Variants in TRERF1 observed in about 807,000 individuals in gnomAD.
The protein encoded by TRERF1 is transcriptional regulating factor 1.
TRERF1 carries 27 observed loss-of-function variants against 122.9 expected under a neutral mutation model. The observed-to-expected ratio is 0.22, with a 90% CI of 0.16 to 0.30. The LOEUF is 0.30. TRERF1 is among the 10% of genes least tolerant of loss of function. The pLI is 1.00. For synonymous variants in TRERF1, 636 were observed against 641.7 expected, an observed-to-expected ratio of 0.99 and a Z score of 0.13; for missense variants, 1,248 against 1,560.3, an observed-to-expected ratio of 0.80 and a Z score of 3.37.
intron 3 of TRERF1, among the ~76,000 whole-genome samples, chr6:42,353,140 T>C (rs1215807773): frequency 1.3e-5 from 2 of 152,134 alleles, no homozygotes; most frequent in African/African-American, 2.4e-5. Flanking sequence ...CACTGCACCT[T>C]GGCCTGGGCG....
At position 42,287,802 on chromosome 6, in the gene TRERF1, C is replaced by T. The variant is rs77505348; in HGVS notation, c.-259+12836G>A. Among the ~76,000 whole-genome samples the T allele has an allele frequency of 8.7e-4, 133 of 152,238 alleles. 1 individual carries two copies. In the East Asian group the frequency reaches 0.025, roughly 28 times the overall value. On this transcript the variant is annotated intron_variant, in intron 4 of 17. Coordinates refer to ENST00000372922, the Ensembl canonical transcript of TRERF1. ...CATGCTCCTCTGGTCGGGTCTCACC[C>T]CCTCCAGCCCTGACACACCACCCTC... is the stretch of plus-strand genomic sequence containing the variant.
At chr6:42,298,022 AC>A (rs1785389459) in intron 4 of TRERF1, among the ~76,000 whole-genome samples, 2 of 152,194 alleles carry the variant, frequency 1.3e-5, no homozygotes, top group South Asian at 4.1e-4. Context: ...CAGAAAAATC[AC>A]CAAGCAGAAC....
intron 2 of TRERF1, among the ~76,000 whole-genome samples, chr6:42,444,600 T>G (rs1229308299): frequency 1.3e-5 from 2 of 152,160 alleles, no homozygotes; most frequent in East Asian, 1.9e-4. Flanking sequence ...CCTGTCATGA[T>G]GGAGCAAGTT....
intron 3 of TRERF1, among the ~76,000 whole-genome samples, chr6:42,355,694 A>AGT (rs1770403051): frequency 1.3e-5 from 2 of 152,264 alleles, no homozygotes; most frequent in East Asian, 1.9e-4. Flanking sequence ...GGGGTGTATG[A>AGT]GTGTGTGTGT....
intron 2 of TRERF1, among the ~76,000 whole-genome samples, chr6:42,442,966 T>G (rs1054367934): frequency 6.6e-6 from 1 of 152,220 alleles, no homozygotes; most frequent in Non-Finnish European, 1.5e-5. Flanking sequence ...AGCTATAAAA[T>G]GAGGATATCT....
chr6:42,238,835 TCACACACA>T (rs58223539), intron 15 of TRERF1, among the ~76,000 whole-genome samples: 15 of 143,126 alleles, frequency 1.0e-4, no homozygotes, highest in African/African-American at 1.6e-4. Flanking sequence ...ATCATGCATT[TCACACACA>T]CACACACACA....
At chr6:42,231,162 C>T (rs553049110) in intron 17 of TRERF1, among the ~76,000 whole-genome samples, 7 of 152,210 alleles carry the variant, frequency 4.6e-5, no homozygotes, top group South Asian at 4.2e-4. Context: ...GGATTCATGC[C>T]GATTATAATA....
intron 2 of TRERF1, among the ~76,000 whole-genome samples, chr6:42,414,495 T>C (rs1489023173): frequency 1.3e-5 from 2 of 152,268 alleles, no homozygotes; most frequent in South Asian, 4.1e-4. Context: ...ACTCTGCAAC[T>C]TGCTTTTTTC....
intron 2 of TRERF1, among the ~76,000 whole-genome samples, chr6:42,426,729 G>A (rs1783683455): frequency 6.6e-6 from 1 of 152,148 alleles, no homozygotes; most frequent in African/African-American, 2.4e-5. Flanking sequence ...ATTTACGAGT[G>A]ATCTGTGACT....
chr6:42,313,982 G>A (rs377437002), intron 3 of TRERF1, among the ~76,000 whole-genome samples: 17 of 152,066 alleles, frequency 1.1e-4, no homozygotes, highest in African/African-American at 2.7e-4. Context: ...ACCGGAAGCC[G>A]GGAGAGATGA....
intron 17 of TRERF1, among the ~76,000 whole-genome samples, chr6:42,229,520 G>C (rs1229441450): frequency 1.3e-5 from 2 of 152,138 alleles, no homozygotes; most frequent in African/African-American, 4.8e-5. Flanking sequence ...CAAGTGGACT[G>C]TTGTCCTCTC....
At chr6:42,431,918 G>C (rs1387507936) in intron 2 of TRERF1, among the ~76,000 whole-genome samples, 1 of 152,186 alleles carries the variant, frequency 6.6e-6, no homozygotes, top group Non-Finnish European at 1.5e-5. Flanking sequence ...CCAACTAACA[G>C]AAGACTGAGG....
intron 17 of TRERF1, among the ~76,000 whole-genome samples, chr6:42,230,001 G>A (rs915024884): frequency 3.3e-5 from 5 of 152,130 alleles, no homozygotes; most frequent in Admixed American, 2.0e-4. Flanking sequence ...TAACTATCTG[G>A]ACCTTTTTCA....
At chr6:42,311,435 G>A (rs1788208308) in intron 3 of TRERF1, among the ~76,000 whole-genome samples, 1 of 152,080 alleles carries the variant, frequency 6.6e-6, no homozygotes, top group Admixed American at 6.5e-5. Flanking sequence ...GCCGGCAGGT[G>A]CGGTCAGCAA....
chr6:42,269,841 G>T lies in TRERF1; in HGVS notation c.-251C>A. 1.1e-6 allele frequency: 1 copy of T among 904,858 alleles called. No individual in the cohort carries two copies. The highest frequency in any genetic ancestry group is 1.5e-6 in the Non-Finnish European group (1 of 656,738). 56.1% of individuals were successfully genotyped at this position (904,858 alleles called of 1,614,324 possible). A position where few individuals can be genotyped will look rare whatever the true frequency, so the allele number is the denominator to read the frequency against. ...CACAGCACTGTGGTGAGGAGACGTC[G>T]CTCACACCTGCAAGGCAAGATGCAA... On this transcript the variant is annotated 5_prime_UTR_variant, in exon 5 of 18. Transcript: ENST00000372922. This position sits in a 1 kb window ranked among gnomAD's most constrained non-coding sequence, Gnocchi z 4.9.
At chr6:42,282,613 CT>C (rs1390151049) in intron 4 of TRERF1, among the ~76,000 whole-genome samples, 1 of 152,058 alleles carries the variant, frequency 6.6e-6, no homozygotes. Flanking sequence ...CAATGAAACT[CT>C]CTATGAAATG....
intron 15 of TRERF1, among the ~76,000 whole-genome samples, chr6:42,241,794 T>C (rs1300252864): frequency 2.6e-5 from 4 of 152,166 alleles, no homozygotes; most frequent in Admixed American, 2.6e-4. Context: ...TTTAAGAAAA[T>C]GTGTGGCCAG....
chr6:42,372,350 A>G (rs1413935146), intron 2 of TRERF1, among the ~76,000 whole-genome samples: 2 of 152,122 alleles, frequency 1.3e-5, no homozygotes, highest in Admixed American at 6.6e-5. Context: ...CAGCTCCTAC[A>G]TGAGGCTTCT....
At chr6:42,353,028 G>T (rs535783347) in intron 3 of TRERF1, among the ~76,000 whole-genome samples, 23 of 152,264 alleles carry the variant, frequency 1.5e-4, no homozygotes, top group Admixed American at 1.4e-3. Context: ...CAGGCAGGGT[G>T]CAGTGACTCA....
Sources: gnomAD v4.1 joint callset for allele counts (sites outside exome capture counted in the v4.1 genomes callset) on GRCh38, gnomAD v4.1.1 for gene constraint, Gnocchi (gnomAD v3.1) non-coding constraint, MANE v1.5 for transcripts, NCBI Gene and HGNC (gene_info 2026-07-23, HGNC 2026-07-21) for gene names.